RAP1GAP: variants seen among roughly 807,000 people sequenced by gnomAD.
RAP1GAP encodes RAP1 GTPase activating protein, also known as rap1 GTPase-activating protein 1.
A neutral mutation model predicts 87.2 loss-of-function variants in RAP1GAP; 35 were observed. The ratio of observed to expected loss-of-function variants is 0.40; its 90% CI spans 0.31 to 0.53. The LOEUF (loss-of-function observed/expected upper bound fraction) is 0.53, where lower values mean the gene tolerates loss of function less well. Ranked by LOEUF, RAP1GAP falls within the 20% of genes least tolerant of loss-of-function variation. The pLI, the probability that RAP1GAP is intolerant of heterozygous loss-of-function variation, is 0.48. For missense variants in RAP1GAP, 734 were observed against 898.9 expected (o/e 0.82, Z 2.35); for synonymous variants, 375 against 363.9 (o/e 1.03, Z -0.35).
At chr1:21,628,752 G>A (rs944110926) in intron 2 of RAP1GAP, among the ~76,000 whole-genome samples, 1 of 152,136 alleles carries the variant, frequency 6.6e-6, no homozygotes, top group Admixed American at 6.5e-5. Flanking sequence ...GCTGGGCACA[G>A]TGGTGGGCAC....
chr1:21,635,561 T>G (rs1571093617), intron 2 of RAP1GAP, among the ~76,000 whole-genome samples: 3 of 152,308 alleles, frequency 2.0e-5, no homozygotes, highest in Admixed American at 2.0e-4. Context: ...CTTCACTGCC[T>G]AGACAGTGAG....
chr1:21,605,582 G>A (rs1570529276), intron 18 of RAP1GAP, among the ~76,000 whole-genome samples: 1 of 151,614 alleles, frequency 6.6e-6, no homozygotes, highest in East Asian at 1.9e-4. Context: ...CTCAGGGCCA[G>A]GCCCACAGTA....
rs542946613 is a variant in RAP1GAP, at chr1:21,601,838, G to A, written c.1539-41C>T. 2.5e-4 allele frequency: 364 copies of A among 1,453,188 alleles called. No individual in the cohort carries two copies. In the South Asian group the frequency reaches 4.2e-3, roughly 17 times the overall value. 90.0% of individuals were successfully genotyped at this position (1,453,188 alleles called of 1,614,324 possible). A position where few individuals can be genotyped will look rare whatever the true frequency, so the allele number is the denominator to read the frequency against. On this transcript the variant is annotated intron_variant, in intron 19 of 24. Coordinates refer to ENST00000374765, the MANE Select transcript of RAP1GAP (RefSeq NM_002885.4). ...GGGCAGCGGGGGGATTCAGCACCAG[G>A]CCTGGCATCAGGCGTAGCGTGAGGC...
intron 2 of RAP1GAP, 99 bp from the exon 3 acceptor site, chr1:21,626,496 T>G: frequency 1.7e-5 from 17 of 977,334 alleles, no homozygotes; most frequent in Non-Finnish European, 2.6e-5. Context: ...TGAGGGAGGA[T>G]AGACTTCACG....
chr1:21,651,477 G>T (rs1250613056), intron 1 of RAP1GAP: 1 of 616,374 alleles, frequency 1.6e-6, no homozygotes, highest in Admixed American at 1.9e-5. Flanking sequence ...CCAGTCACAT[G>T]CATAAGCGCC....
chr1:21,597,926 C>CT (rs1313595686), intron 23 of RAP1GAP, 35 bp downstream of exon 23: 1 of 1,542,864 alleles, frequency 6.5e-7, no homozygotes, highest in Admixed American at 2.0e-5. Context: ...CCGGGTGGGG[C>CT]TCCCTCAGCA....
At chr1:21,665,291 G>A (rs552616373) in intron 1 of RAP1GAP, 15 of 516,180 alleles carry the variant, frequency 2.9e-5, no homozygotes, top group African/African-American at 9.6e-5. Context: ...CCGAGGGAGG[G>A]TGGCCTCGGT....
chr1:21,608,078 A>G, intron 17 of RAP1GAP, 135 bp downstream of exon 17: 1 of 1,240,470 alleles, frequency 8.1e-7, no homozygotes. Flanking sequence ...CCAGTCCGGG[A>G]CTCCACCCCC....
chr1:21,655,907 A>C (rs1016643527), intron 1 of RAP1GAP, among the ~76,000 whole-genome samples: 12 of 152,136 alleles, frequency 7.9e-5, no homozygotes, highest in African/African-American at 2.4e-4. Flanking sequence ...TCTGGGCTCT[A>C]GGTGGGGCTG....
intron 4 of RAP1GAP, 138 bp from the exon 5 acceptor site, chr1:21,619,210 G>T: frequency 1.1e-6 from 1 of 886,072 alleles, no homozygotes; most frequent in Non-Finnish European, 1.7e-6. Context: ...GGTGCTAGCT[G>T]GCTGGGGGCC....
In RAP1GAP at chr1:21,634,058, C is replaced by CG. The variant is rs59476256; in HGVS notation, c.-112-7662dup. Among the ~76,000 whole-genome samples, 58 of 143,238 alleles carry CG rather than the reference C, an allele frequency of 4.0e-4. No individual in the cohort carries two copies. The highest frequency in any genetic ancestry group is 8.7e-4 in the South Asian group (4 of 4,578). 94.0% of individuals were successfully genotyped at this position (143,238 alleles called of 152,430 possible). On this transcript the variant is annotated intron_variant, in intron 2 of 24. Coordinates refer to ENST00000374765, the MANE Select transcript of RAP1GAP (RefSeq NM_002885.4). The surrounding 1 kb of genome is among the most constrained non-coding windows in gnomAD (Gnocchi z 4.1). The stretch of plus-strand genomic sequence containing the variant: ...TGGCTGCCCCAGAACTGCCCCCTCC[C>CG]GGGGGGGGGGGGGGGCCACAGAAGC...
At chr1:21,618,739 G>A (rs913067550) in intron 5 of RAP1GAP, among the ~76,000 whole-genome samples, 1 of 152,164 alleles carries the variant, frequency 6.6e-6, no homozygotes, top group Non-Finnish European at 1.5e-5. Flanking sequence ...GGGACGCCTG[G>A]AGAGGCAGGG....
At chr1:21,666,235 G>T (rs2097342526) in intron 1 of RAP1GAP, among the ~76,000 whole-genome samples, 1 of 152,228 alleles carries the variant, frequency 6.6e-6, no homozygotes, top group South Asian at 2.1e-4. Flanking sequence ...CCTGGCAGAG[G>T]TCCTGGCATG....
intron 2 of RAP1GAP, among the ~76,000 whole-genome samples, chr1:21,648,302 G>T (rs2096261160): frequency 6.6e-6 from 1 of 152,186 alleles, no homozygotes. Flanking sequence ...CCTGGGGTGG[G>T]CCTTCTGGGT....
Position 21,606,205 on chromosome 1 carries a change from G to C in RAP1GAP, c.1297-8C>G, listed in dbSNP as rs1196187269. 6.4e-7 allele frequency: 1 copy of C among 1,574,752 alleles called. No homozygotes were observed. Reference sequence around the variant, plus strand: ...GCGGCTCCGGATGACCCGCTGTGAAGGGGGTGGCAGTGGAGGAGGCACAGG... The same window carrying C: ...GCGGCTCCGGATGACCCGCTGTGAACGGGGTGGCAGTGGAGGAGGCACAGG... On this transcript the variant is annotated splice_polypyrimidine_tract_variant and splice_region_variant and intron_variant, in intron 17 of 24. Transcript: ENST00000374765.
intron 1 of RAP1GAP, among the ~76,000 whole-genome samples, chr1:21,653,541 G>GAACT (rs1210727543): frequency 4.5e-5 from 6 of 133,528 alleles, no homozygotes; most frequent in Admixed American, 3.6e-4. Flanking sequence ...GAGAAGGGAG[G>GAACT]AACTTCCTTC....
intron 4 of RAP1GAP, among the ~76,000 whole-genome samples, chr1:21,619,687 C>T (rs1013062005): frequency 7.9e-5 from 12 of 152,000 alleles, no homozygotes; most frequent in East Asian, 3.9e-4. Context: ...TCCACCTGGG[C>T]CCCCCACCAC....
intron 3 of RAP1GAP, among the ~76,000 whole-genome samples, chr1:21,625,471 C>A (rs1300112255): frequency 6.6e-5 from 10 of 152,174 alleles, no homozygotes; most frequent in Non-Finnish European, 1.5e-4. Context: ...TAACACCAGG[C>A]CCTCTGGTCA....
chr1:21,661,619 G>A (rs921602058), intron 1 of RAP1GAP, among the ~76,000 whole-genome samples: 1 of 152,200 alleles, frequency 6.6e-6, no homozygotes, highest in African/African-American at 2.4e-5. Flanking sequence ...TGTAAAAGAG[G>A]ATGGCAATGA....
Sources: allele counts gnomAD v4.1 joint callset (sites outside exome capture counted in the v4.1 genomes callset), GRCh38; gene constraint gnomAD v4.1.1; non-coding constraint Gnocchi (gnomAD v3.1); transcripts MANE v1.5; gene names NCBI Gene and HGNC (gene_info 2026-07-23, HGNC 2026-07-21).